Variants in ZNF385D observed in about 807,000 individuals in gnomAD.
The protein encoded by ZNF385D is zinc finger protein 659.
In ZNF385D, 15 loss-of-function variants were observed where a neutral mutation model predicts 35.8. The ratio of observed to expected loss-of-function variants is 0.42; its 90% confidence interval spans 0.28 to 0.64. The LOEUF (loss-of-function observed/expected upper bound fraction) is 0.64, where lower values mean the gene tolerates loss of function less well. Ranked by LOEUF, ZNF385D falls within the 30% of genes least tolerant of loss-of-function variation. The pLI is 0.23. For missense variants in ZNF385D, 474 were observed against 494.6 expected (o/e 0.96, Z 0.39); for synonymous variants, 212 against 186.8 (o/e 1.13, Z -1.10).
At chr3:21,484,483 T>C (rs1257228372) in intron 4 of ZNF385D, among the ~76,000 whole-genome samples, 2 of 152,134 alleles carry the variant, frequency 1.3e-5, no homozygotes, top group Non-Finnish European at 2.9e-5. Flanking sequence ...GACCTCTTCC[T>C]CCTGCGATGT....
intron 3 of ZNF385D, among the ~76,000 whole-genome samples, chr3:22,086,648 G>T (rs1559358172): frequency 6.6e-6 from 1 of 152,018 alleles, no homozygotes; most frequent in African/African-American, 2.4e-5. Flanking sequence ...GTTTGTTGTG[G>T]CACTATTCAC....
chr3:21,968,525 G>GAGAGA (rs1446891579), intron 3 of ZNF385D, among the ~76,000 whole-genome samples: 11 of 152,072 alleles, frequency 7.2e-5, no homozygotes, highest in Non-Finnish European at 4.4e-5. Context: ...CTGAGGAGAG[G>GAGAGA]AGAGGAGAGA....
chr3:21,905,635 G>T (rs932443243), intron 3 of ZNF385D, among the ~76,000 whole-genome samples: 1 of 151,526 alleles, frequency 6.6e-6, no homozygotes, highest in African/African-American at 2.4e-5. Flanking sequence ...AAGGTAGGTG[G>T]CATTTCTTTT....
chr3:21,774,078 A>G (rs33999654), intron 3 of ZNF385D, among the ~76,000 whole-genome samples: 46,000 of 151,906 alleles, frequency 0.3, 7,768 homozygotes, highest in Middle Eastern at 0.47. Context: ...ACCATGGAAT[A>G]CTATACAGCC....
chr3:22,298,740 A>G (rs895689632), intron 2 of ZNF385D, among the ~76,000 whole-genome samples: 25 of 151,074 alleles, frequency 1.7e-4, no homozygotes, highest in Non-Finnish European at 3.3e-4. Context: ...TCTAATTTCC[A>G]TTTTGGAGAT....
At chr3:21,906,767 A>G (rs1699704833) in intron 3 of ZNF385D, among the ~76,000 whole-genome samples, 2 of 152,148 alleles carry the variant, frequency 1.3e-5, no homozygotes, top group South Asian at 2.1e-4. Flanking sequence ...CCTGTCTGCC[A>G]TACTGTCCCT....
intron 2 of ZNF385D, among the ~76,000 whole-genome samples, chr3:22,310,432 A>T (rs1703476715): frequency 6.6e-6 from 1 of 151,980 alleles, no homozygotes; most frequent in Non-Finnish European, 1.5e-5. Context: ...TTATTTATAG[A>T]TCTACTATAA....
chr3:22,102,955 A>T (rs1009660165), intron 3 of ZNF385D, among the ~76,000 whole-genome samples: 1 of 149,494 alleles, frequency 6.7e-6, no homozygotes, highest in African/African-American at 2.4e-5. Flanking sequence ...CTGGCAAATT[A>T]TTTTTACAAT....
intron 3 of ZNF385D, among the ~76,000 whole-genome samples, chr3:21,549,320 T>C (rs371607661): frequency 1.3e-5 from 2 of 152,344 alleles, no homozygotes; most frequent in African/African-American, 4.8e-5. Context: ...AGAAGCACAC[T>C]GCTTAGGTAG....
chr3:21,830,312 T>C (rs905040712), intron 3 of ZNF385D, among the ~76,000 whole-genome samples: 3 of 152,188 alleles, frequency 2.0e-5, no homozygotes, highest in African/African-American at 7.2e-5. Context: ...CTTTGACTGA[T>C]ATTTGATTAA....
intron 2 of ZNF385D, among the ~76,000 whole-genome samples, chr3:22,324,889 G>C (rs564499901): frequency 6.6e-6 from 1 of 152,136 alleles, no homozygotes; most frequent in Non-Finnish European, 1.5e-5. Flanking sequence ...TCCTACTAGA[G>C]CAGCCAAACT....
At chr3:22,120,401 A>G (rs1703030186) in intron 3 of ZNF385D, among the ~76,000 whole-genome samples, 1 of 152,050 alleles carries the variant, frequency 6.6e-6, no homozygotes, top group African/African-American at 2.4e-5. Flanking sequence ...GACACCAGTC[A>G]TGTTGGATTA....
At chr3:22,105,371 ATCTC>A (rs1352212553) in intron 3 of ZNF385D, among the ~76,000 whole-genome samples, 10 of 151,946 alleles carry the variant, frequency 6.6e-5, no homozygotes, top group East Asian at 1.9e-4. Flanking sequence ...ATATATCTAT[ATCTC>A]TCTCTATATG....
chr3:21,813,922 G>A (rs1052015710), intron 3 of ZNF385D, among the ~76,000 whole-genome samples: 6 of 152,174 alleles, frequency 3.9e-5, no homozygotes, highest in Admixed American at 1.3e-4. Context: ...AAGTTGAAAT[G>A]AAGGTAAAAA....
At chr3:22,117,132 G>C (rs78232755) in intron 3 of ZNF385D, among the ~76,000 whole-genome samples, 2 of 151,938 alleles carry the variant, frequency 1.3e-5, no homozygotes, top group Non-Finnish European at 2.9e-5. Flanking sequence ...TTTATGTCAT[G>C]GTATCTAAAA....
chr3:21,570,770 G>A (rs148383183), intron 2 of ZNF385D, among the ~76,000 whole-genome samples: 5 of 152,126 alleles, frequency 3.3e-5, no homozygotes, highest in East Asian at 3.9e-4. Flanking sequence ...ACCCCTGTGC[G>A]TCTCTCAGGC....
chr3:21,970,283 G>C (rs1703165747), intron 3 of ZNF385D, among the ~76,000 whole-genome samples: 2 of 152,190 alleles, frequency 1.3e-5, no homozygotes, highest in Admixed American at 6.6e-5. Flanking sequence ...ATTCAAAATA[G>C]CTGTTTTGAG....
At chr3:21,621,510 A>G (rs149184654) in intron 2 of ZNF385D, among the ~76,000 whole-genome samples, 2 of 151,582 alleles carry the variant, frequency 1.3e-5, no homozygotes, top group South Asian at 2.1e-4. Context: ...GCATTGAGCA[A>G]GAAACTGCCA....
chr3:22,067,938 G>A (rs1241127219), intron 3 of ZNF385D, among the ~76,000 whole-genome samples: 1 of 151,926 alleles, frequency 6.6e-6, no homozygotes, highest in Admixed American at 6.6e-5. Flanking sequence ...GCTTGAACCC[G>A]GGAGGCAGAG....
Sources: gnomAD v4.1 joint callset for allele counts (sites outside exome capture counted in the v4.1 genomes callset) on GRCh38, gnomAD v4.1.1 for gene constraint, MANE v1.5 for transcripts, NCBI Gene and HGNC (gene_info 2026-07-23, HGNC 2026-07-21) for gene names.